Variants in CCDC77 observed in about 807,000 individuals in gnomAD.
CCDC77 encodes coiled-coil domain containing 77.
CCDC77 carries 56 observed loss-of-function variants against 66.8 expected under a neutral mutation model. That is an observed-to-expected ratio of 0.84 (90% CI 0.68 to 1.05). The LOEUF (loss-of-function observed/expected upper bound fraction) is 1.05, where lower values mean the gene tolerates loss of function less well. Ranked by LOEUF, CCDC77 falls within the 50% of genes least tolerant of loss-of-function variation. The pLI, the probability that CCDC77 is intolerant of heterozygous loss-of-function variation, is 0.00. For synonymous variants in CCDC77, 196 were observed against 195.2 expected (o/e 1.00, Z -0.03); for missense variants, 570 against 576.8 (o/e 0.99, Z 0.12).
intron 5 of CCDC77, among the ~76,000 whole-genome samples, chr12:428,443 G>A (rs573311428): frequency 6.7e-5 from 10 of 148,958 alleles, no homozygotes; most frequent in African/African-American, 1.0e-4. Context: ...CCCGGCAGGC[G>A]GAGGTTGCAG....
chr12:435,318 C>A (rs1285845004), intron 9 of CCDC77, among the ~76,000 whole-genome samples: 20 of 151,478 alleles, frequency 1.3e-4, no homozygotes, highest in Non-Finnish European at 1.5e-5. Context: ...TCATGTATTC[C>A]GTTTCCAAAT....
chr12:413,626 ATTTT>A (rs573170612), intron 4 of CCDC77, among the ~76,000 whole-genome samples: 1 of 115,468 alleles, frequency 8.7e-6, no homozygotes, highest in African/African-American at 3.3e-5. Flanking sequence ...ACTGAATGGG[ATTTT>A]TTTTTTTTTT....
chr12:418,268 G>A (rs1489637464), intron 4 of CCDC77, among the ~76,000 whole-genome samples: 3 of 152,074 alleles, frequency 2.0e-5, no homozygotes, highest in Non-Finnish European at 2.9e-5. Context: ...AGCTGAGATC[G>A]TGCCACTGCA....
chr12:407,666 G>A (rs1358215899), intron 2 of CCDC77, among the ~76,000 whole-genome samples: 5 of 152,134 alleles, frequency 3.3e-5, no homozygotes, highest in African/African-American at 4.8e-5. Flanking sequence ...AAGCTTTGAC[G>A]GAGTCAGGGA....
rs553922197 is a variant in CCDC77, at chr12:413,474, C to T, written c.270+1496C>T. Among the ~76,000 whole-genome samples, 313 of 152,088 alleles carry T rather than the reference C, an allele frequency of 2.1e-3. 1 individual carries two copies. The highest frequency in any genetic ancestry group is 7.0e-3 in the African/African-American group (289 of 41,486). On this transcript the variant is annotated intron_variant, in intron 4 of 12. Transcript: ENST00000239830. ...CAGGATGGTCTCGATCGCCTGACCT[C>T]GTGATCCACCCGCCTCGGCCTCCTA...
chr12:416,919 C>G (rs1945298073), intron 4 of CCDC77, among the ~76,000 whole-genome samples: 1 of 151,108 alleles, frequency 6.6e-6, no homozygotes, highest in African/African-American at 2.4e-5. Context: ...GCCGGCGGAT[C>G]ACCTGGGGTC....
At chr12:405,916 CTT>C (rs34597637) in intron 2 of CCDC77, among the ~76,000 whole-genome samples, 598 of 133,916 alleles carry the variant, frequency 4.5e-3, no homozygotes, top group Middle Eastern at 0.02. Context: ...AAGTGTTCAA[CTT>C]TTTTTTTTTT....
chr12:436,922 T>C (rs1945770623), intron 9 of CCDC77: 1 of 198,102 alleles, frequency 5.0e-6, no homozygotes. Context: ...AAATAACTCA[T>C]TGAAAGTGAG....
upstream of CCDC77, among the ~76,000 whole-genome samples, chr12:399,954 C>T (rs767418623): frequency 6.6e-6 from 1 of 152,210 alleles, no homozygotes; most frequent in Non-Finnish European, 1.5e-5. Flanking sequence ...CTTGGCATCT[C>T]CTTCCAATAA....
At chr12:437,800 C>G (rs1196501837) in intron 9 of CCDC77, among the ~76,000 whole-genome samples, 1 of 142,388 alleles carries the variant, frequency 7.0e-6, no homozygotes, top group African/African-American at 2.6e-5. Context: ...GAGCTGTGAT[C>G]GTGCCTCTGC....
intron 1 of CCDC77, among the ~76,000 whole-genome samples, 198 bp downstream of exon 1, chr12:401,882 G>A (rs75651381): frequency 9.1e-4 from 139 of 152,326 alleles, no homozygotes; most frequent in East Asian, 4.6e-3. Context: ...GTGCTGGAGC[G>A]TTGGGACCTG....
At position 440,947 on chromosome 12, in the gene CCDC77, T is replaced by C. The variant is rs373804764; in HGVS notation, c.1271T>C (p.Ile424Thr). Reference sequence around the variant, plus strand: ...GAAGTAGAAGGCTTTAAGACAGATATTAAAGTTCTCCGACAGAAACTGAAA... The same window carrying C: ...GAAGTAGAAGGCTTTAAGACAGATACTAAAGTTCTCCGACAGAAACTGAAA... ...ILEVEGFKTD[I>T]KVLRQKLKDL... The change falls in exon 12 of 13, where the codon ATT becomes ACT. Residue 424 changes from isoleucine to threonine, a missense_variant. Physicochemically the swap from Ile to Thr is moderately conservative, Grantham distance 89 (BLOSUM62 -1). Transcript: ENST00000239830. The C allele has an allele frequency of 8.1e-6, 13 of 1,613,396 alleles. No homozygotes were observed. The African/African-American group carries it at 1.5e-4, about 18-fold the overall frequency.
chr12:439,663 C>G (rs1046269428), intron 10 of CCDC77, among the ~76,000 whole-genome samples: 8 of 151,586 alleles, frequency 5.3e-5, no homozygotes, highest in Admixed American at 1.3e-4. Context: ...ACCTGTAATC[C>G]CAGCTACTTG....
At chr12:423,494 G>GTTTTTTTTTTTTTTTTTTTTTTTT (rs56233976) in intron 5 of CCDC77, among the ~76,000 whole-genome samples, 3 of 35,408 alleles carry the variant, frequency 8.5e-5, no homozygotes, top group Non-Finnish European at 1.5e-4. Flanking sequence ...TTTTTGTTTT[G>GTTTTTTTTTTTTTTTTTTTTTTTT]TTTTTTTTTT....
intron 2 of CCDC77, among the ~76,000 whole-genome samples, chr12:407,541 A>G (rs1945018803): frequency 6.6e-6 from 1 of 152,098 alleles, no homozygotes; most frequent in Admixed American, 6.6e-5. Flanking sequence ...GAAAACTACT[A>G]ATGTGCACAT....
intron 3 of CCDC77, 33 bp from the exon 4 acceptor site, chr12:411,712 AGT>A (rs1326182428): frequency 1.3e-6 from 2 of 1,532,868 alleles, no homozygotes; most frequent in Admixed American, 3.6e-5. Flanking sequence ...ACTTTCGCAG[AGT>A]GTGATGAATA....
At chr12:418,810 T>C (rs1288556777) in intron 5 of CCDC77, 174 bp downstream of exon 5, 1 of 624,364 alleles carries the variant, frequency 1.6e-6, no homozygotes, top group Non-Finnish European at 2.8e-6. Flanking sequence ...GCGATTCTCA[T>C]GCCTCAGCCT....
intron 1 of CCDC77, among the ~76,000 whole-genome samples, chr12:389,699 A>C (rs926979065): frequency 6.6e-6 from 1 of 151,906 alleles, no homozygotes; most frequent in Non-Finnish European, 1.5e-5. Context: ...GTATCAGTGC[A>C]CTCGAAAACA....
chr12:422,840 C>G (rs938223454), intron 5 of CCDC77, among the ~76,000 whole-genome samples: 6 of 152,166 alleles, frequency 3.9e-5, no homozygotes, highest in Admixed American at 3.3e-4. Context: ...TCTCCAACTT[C>G]CAAGCTCAAG....
Sources: gnomAD v4.1 joint callset for allele counts (sites outside exome capture counted in the v4.1 genomes callset) on GRCh38, gnomAD v4.1.1 for gene constraint, MANE v1.5 for transcripts, NCBI Gene and HGNC (gene_info 2026-07-23, HGNC 2026-07-21) for gene names.